Variants in MTHFD2L observed in about 807,000 individuals in gnomAD.
The protein encoded by MTHFD2L is bifunctional methylenetetrahydrofolate dehydrogenase/cyclohydrolase 2, mitochondrial.
Under a neutral mutation model 34.9 loss-of-function variants are expected in MTHFD2L, and 29 were observed. That is an observed-to-expected ratio of 0.83 (90% CI 0.62 to 1.13). The LOEUF is 1.13. Among genes scored for constraint, MTHFD2L ranks in the 50% most tolerant of loss-of-function variants. The pLI is 0.00. For missense variants in MTHFD2L, 481 were observed against 446.5 expected, an observed-to-expected ratio of 1.08 and a Z score of -0.70; for synonymous variants, 167 against 155.7, an observed-to-expected ratio of 1.07 and a Z score of -0.54.
chr4:74,260,822 C>G (rs879292186), intron 6 of MTHFD2L, among the ~76,000 whole-genome samples: 5 of 151,546 alleles, frequency 3.3e-5, no homozygotes, highest in Non-Finnish European at 5.9e-5. Flanking sequence ...GAATACAAGA[C>G]AAGAATTCAA....
intron 5 of MTHFD2L, among the ~76,000 whole-genome samples, chr4:74,213,672 C>T (rs974987818): frequency 3.9e-5 from 6 of 152,086 alleles, no homozygotes; most frequent in Non-Finnish European, 8.8e-5. Flanking sequence ...GTGAATGTGA[C>T]GGTTATGTGT....
intron 6 of MTHFD2L, among the ~76,000 whole-genome samples, chr4:74,237,965 G>A (rs900003427): frequency 2.0e-5 from 3 of 152,180 alleles, no homozygotes; most frequent in African/African-American, 7.2e-5. Flanking sequence ...CATTCCAATG[G>A]TGTATTCAGA....
intron 3 of MTHFD2L, among the ~76,000 whole-genome samples, chr4:74,184,973 C>T (rs904550977): frequency 6.6e-6 from 1 of 151,528 alleles, no homozygotes; most frequent in African/African-American, 2.4e-5. Context: ...CACGGTGAAA[C>T]CCCGTCTCTA....
intron 3 of MTHFD2L, among the ~76,000 whole-genome samples, chr4:74,197,532 A>C (rs1733694713): frequency 6.6e-6 from 1 of 152,054 alleles, no homozygotes; most frequent in Admixed American, 6.6e-5. Flanking sequence ...TCTTATTAGG[A>C]GTTGGGAGGG....
chr4:74,272,089 A>G (rs186865213), intron 6 of MTHFD2L, among the ~76,000 whole-genome samples: 39 of 152,318 alleles, frequency 2.6e-4, no homozygotes, highest in African/African-American at 9.4e-4. Context: ...TGATTTGGAT[A>G]CAAAGGTATT....
intron 3 of MTHFD2L, among the ~76,000 whole-genome samples, chr4:74,181,955 T>G (rs1483908534): frequency 6.6e-6 from 1 of 152,184 alleles, no homozygotes; most frequent in African/African-American, 2.4e-5. Flanking sequence ...TTGCTATAAT[T>G]ACTTTTCATG....
At chr4:74,299,209 T>C (rs17829070) in intron 7 of MTHFD2L, among the ~76,000 whole-genome samples, 173 of 152,086 alleles carry the variant, frequency 1.1e-3, no homozygotes, top group Non-Finnish European at 2.0e-3. Context: ...ATAAATCATT[T>C]TGTTTTCCAT....
chr4:74,126,272 C>T lies in MTHFD2L; in HGVS notation c.-297+755C>T, dbSNP rs958674983. Among the ~76,000 whole-genome samples the T allele has an allele frequency of 3.3e-5, 5 of 152,212 alleles. No individual in the cohort carries two copies. The East Asian group carries it at 7.7e-4, about 23-fold the overall frequency. ...AGGCATATTTCTAGTCACAAAACAT[C>T]ATCAAACTGCCAAATAAAGATCAAA... On this transcript the variant is annotated intron_variant, in intron 1 of 7. Coordinates refer to the MTHFD2L transcript ENST00000433372.
Position 74,295,136 on chromosome 4 carries a change from C to G in MTHFD2L, c.932-6561C>G, listed in dbSNP as rs368261236. 5.9e-5 allele frequency among the ~76,000 whole-genome samples: 9 copies of G among 152,206 alleles called. 1 individual carries two copies. The South Asian group carries it at 1.9e-3, about 32-fold the overall frequency. ...TTCACCCTGAACACAGTAACTACAG[C>G]TACCATCACCCAACCTCAGTTTCTT... On this transcript the variant is annotated intron_variant, in intron 7 of 7. Transcript: ENST00000325278.
chr4:74,267,130 T>C, intron 6 of MTHFD2L: 1 of 985,332 alleles, frequency 1.0e-6, no homozygotes, highest in South Asian at 4.7e-5. Flanking sequence ...TCTAAAATGT[T>C]TGAAACCCAT....
At chr4:74,187,610 C>CTA (rs957883316) in intron 3 of MTHFD2L, among the ~76,000 whole-genome samples, 20 of 152,108 alleles carry the variant, frequency 1.3e-4, no homozygotes, top group Non-Finnish European at 7.4e-5. Flanking sequence ...TATCAACTGA[C>CTA]TATACTATGT....
intron 5 of MTHFD2L, among the ~76,000 whole-genome samples, chr4:74,202,475 C>T (rs536416152): frequency 6.6e-6 from 1 of 152,218 alleles, no homozygotes; most frequent in Admixed American, 6.5e-5. Flanking sequence ...CTGACTGAAC[C>T]ACCACAGAAA....
intron 5 of MTHFD2L, among the ~76,000 whole-genome samples, chr4:74,219,295 T>G (rs547601287): frequency 6.6e-6 from 1 of 152,186 alleles, no homozygotes; most frequent in Non-Finnish European, 1.5e-5. Context: ...AAATAGTTAC[T>G]TATAGACTCT....
At chr4:74,158,933 G>T (rs535419601) in intron 1 of MTHFD2L, among the ~76,000 whole-genome samples, 1 of 152,104 alleles carries the variant, frequency 6.6e-6, no homozygotes, top group African/African-American at 2.4e-5. Flanking sequence ...TGCAAAATCC[G>T]TCTTAACAAG....
chr4:74,187,733 TACACACACACACACAC>T lies in MTHFD2L; in HGVS notation c.452-12038_452-12023del, dbSNP rs35175417. On this transcript the variant is annotated intron_variant, in intron 3 of 7. Transcript: ENST00000325278. The stretch of plus-strand genomic sequence containing the variant: ...TTTGGCAGTATCTTAAAACGTTAAA[TACACACACACACACAC>T]ACACACACACACACACACACACTGG... 2.8e-3 allele frequency among the ~76,000 whole-genome samples: 381 copies of T among 134,292 alleles called. 4 individuals are homozygous for T. Among genetic ancestry groups the T allele is most frequent in the African/African-American group, 1.0e-2 (346 of 34,686 alleles). The allele number at this position is 134,292 out of a possible 152,430, so 88.1% of individuals were successfully genotyped here. A position where few individuals can be genotyped will look rare whatever the true frequency, so the allele number is the denominator to read the frequency against.
At chr4:74,273,661 T>C (rs1222617398) in intron 6 of MTHFD2L, among the ~76,000 whole-genome samples, 5 of 152,256 alleles carry the variant, frequency 3.3e-5, no homozygotes, top group African/African-American at 1.2e-4. Context: ...AGATAATAAA[T>C]ATAAGAATTT....
At position 74,302,379 on chromosome 4, in the gene MTHFD2L, G is replaced by T. The variant is rs920605001; in HGVS notation, c.*570G>T. On this transcript the variant is annotated 3_prime_UTR_variant, in exon 8 of 8. Transcript: ENST00000325278. Reference sequence around the variant, plus strand: ...CTATAAGTCCATCCTAATGAGAAATGATGTTCTATTTAAGGAAAGGAAAAT... The same window carrying T: ...CTATAAGTCCATCCTAATGAGAAATTATGTTCTATTTAAGGAAAGGAAAAT... The T allele has an allele frequency of 6.6e-6, 1 of 151,996 alleles. No individual in the cohort carries two copies. The highest frequency in any genetic ancestry group is 2.4e-5 in the African/African-American group (1 of 41,426). 9.4% of individuals were successfully genotyped at this position (151,996 alleles called of 1,614,324 possible). A position where few individuals can be genotyped will look rare whatever the true frequency, so the allele number is the denominator to read the frequency against.
rs1385868045 is a variant in MTHFD2L, at chr4:74,302,903, T to C, written c.*1094T>C. The C allele has an allele frequency of 6.6e-6, 1 of 152,114 alleles. No individual in the cohort carries two copies. The highest frequency in any genetic ancestry group is 1.5e-5 in the Non-Finnish European group (1 of 67,992). 9.4% of individuals were successfully genotyped at this position (152,114 alleles called of 1,614,324 possible). A position where few individuals can be genotyped will look rare whatever the true frequency, so the allele number is the denominator to read the frequency against. On this transcript the variant is annotated 3_prime_UTR_variant, in exon 8 of 8. Transcript: ENST00000325278. ...GAAATATATATGAATGTCGTTGAAG[T>C]CTATTTTGAGACTGCTAAAGCTATT... is the stretch of plus-strand genomic sequence containing the variant.
chr4:74,163,200 C>T (rs912544094), intron 1 of MTHFD2L, among the ~76,000 whole-genome samples: 5 of 152,162 alleles, frequency 3.3e-5, no homozygotes, highest in Admixed American at 3.3e-4. Flanking sequence ...AAAACATCAT[C>T]TGCACATCAC....
Sources: gnomAD v4.1 joint callset for allele counts (sites outside exome capture counted in the v4.1 genomes callset) on GRCh38, gnomAD v4.1.1 for gene constraint, MANE v1.5 for transcripts, NCBI Gene and HGNC (gene_info 2026-07-23, HGNC 2026-07-21) for gene names.